CNTN6: variants seen among roughly 807,000 people sequenced by gnomAD.
The protein encoded by CNTN6 is contactin-6.
Under a neutral mutation model 122.8 loss-of-function variants are expected in CNTN6, and 137 were observed. The observed-to-expected ratio is 1.12, with a 90% CI of 0.97 to 1.29. The LOEUF (loss-of-function observed/expected upper bound fraction) is 1.29. CNTN6 is among the 50% of genes most tolerant of loss of function. CNTN6 has a pLI of 0.00. For synonymous variants in CNTN6, 570 were observed against 426.0 expected (o/e 1.34, Z -4.16); for missense variants, 1,634 against 1,223.4 (o/e 1.34, Z -5.01).
At chr3:1,160,344 G>GTGTATATATATATATATATATATATATA (rs1553611145) in intron 2 of CNTN6, among the ~76,000 whole-genome samples, 3 of 111,112 alleles carry the variant, frequency 2.7e-5, no homozygotes, top group Non-Finnish European at 5.4e-5. Context: ...TACTTTTACT[G>GTGTATATATATATATATATATATATATA]TATATATATA....
intron 2 of CNTN6, among the ~76,000 whole-genome samples, chr3:1,184,279 T>C (rs749599491): frequency 1.3e-5 from 2 of 152,176 alleles, no homozygotes; most frequent in Non-Finnish European, 2.9e-5. Flanking sequence ...TTTTTTGTTT[T>C]ACATTTGGTA....
chr3:1,323,397 A>G (rs1022601675), intron 8 of CNTN6, among the ~76,000 whole-genome samples: 3 of 151,746 alleles, frequency 2.0e-5, no homozygotes, highest in East Asian at 1.9e-4. Flanking sequence ...CAAATTAGCC[A>G]TTTAATTAGC....
chr3:1,325,806 T>C lies in CNTN6; in HGVS notation c.947-9T>C. The C allele has an allele frequency of 6.2e-7, 1 of 1,609,132 alleles. No homozygotes were observed. Reference sequence around the variant, plus strand: ...TTACCAAACAGTGGCACTTGCCTTTTTGAAACAGCTCCTCCAGAATGGGAA... The same window carrying C: ...TTACCAAACAGTGGCACTTGCCTTTCTGAAACAGCTCCTCCAGAATGGGAA... On this transcript the variant is annotated splice_polypyrimidine_tract_variant and intron_variant, in intron 8 of 22. Coordinates refer to ENST00000446702, the MANE Select transcript of CNTN6 (RefSeq NM_001289080.2).
chr3:1,105,830 T>C (rs1200115845), intron 1 of CNTN6, among the ~76,000 whole-genome samples: 2 of 152,148 alleles, frequency 1.3e-5, no homozygotes, highest in African/African-American at 4.8e-5. Context: ...GAATGTAGAT[T>C]CTAAGTATAC....
chr3:1,332,776 C>G (rs1452699779), intron 11 of CNTN6, among the ~76,000 whole-genome samples: 2 of 152,016 alleles, frequency 1.3e-5, no homozygotes, highest in East Asian at 3.9e-4. Context: ...ATGGTTTCTT[C>G]AAGCCTGTTC....
intron 16 of CNTN6, among the ~76,000 whole-genome samples, chr3:1,375,209 G>A (rs1709688360): frequency 6.6e-6 from 1 of 152,068 alleles, no homozygotes; most frequent in South Asian, 2.1e-4. Context: ...TTAGTTTCAG[G>A]TTGTTTGTTT....
intron 20 of CNTN6, among the ~76,000 whole-genome samples, chr3:1,395,615 C>G (rs1440062145): frequency 6.6e-6 from 1 of 152,090 alleles, no homozygotes; most frequent in East Asian, 1.9e-4. Context: ...GACATTGGAG[C>G]CACCTGAATC....
intron 11 of CNTN6, among the ~76,000 whole-genome samples, chr3:1,345,366 C>G (rs1340753097): frequency 2.6e-5 from 4 of 152,004 alleles, no homozygotes; most frequent in African/African-American, 9.7e-5. Context: ...TTCACCCACC[C>G]TGGCCTCCCA....
intron 11 of CNTN6, among the ~76,000 whole-genome samples, chr3:1,343,772 C>T (rs982914176): frequency 6.6e-6 from 1 of 152,022 alleles, no homozygotes; most frequent in Admixed American, 6.6e-5. Context: ...GATGTTATTA[C>T]TACTCATATC....
intron 4 of CNTN6, among the ~76,000 whole-genome samples, chr3:1,251,266 G>A (rs1024246828): frequency 1.3e-5 from 2 of 152,156 alleles, no homozygotes; most frequent in South Asian, 2.1e-4. Context: ...AAAGTTGCCA[G>A]TTCCACCCAT....
rs138248933 is a variant in CNTN6, at chr3:1,133,844, G to C, written c.-82-14083G>C. Among the ~76,000 whole-genome samples the C allele has an allele frequency of 1.3e-3, 197 of 152,088 alleles. 1 individual carries two copies. The highest frequency in any genetic ancestry group is 4.6e-3 in the African/African-American group (190 of 41,508). Reference sequence around the variant, plus strand: ...TTCTCATATTCTTCTTTCCTTCCTCGGATCCTCTAAGTCTAATCAGTAGCC... The same window carrying C: ...TTCTCATATTCTTCTTTCCTTCCTCCGATCCTCTAAGTCTAATCAGTAGCC... On this transcript the variant is annotated intron_variant, in intron 1 of 22. Coordinates refer to ENST00000446702, the MANE Select transcript of CNTN6 (RefSeq NM_001289080.2).
At chr3:1,204,609 T>A (rs894538238) in intron 2 of CNTN6, among the ~76,000 whole-genome samples, 5 of 152,188 alleles carry the variant, frequency 3.3e-5, no homozygotes, top group African/African-American at 1.2e-4. Context: ...CTGTACACCA[T>A]TCCATAGTTT....
At chr3:1,289,676 GTTT>G (rs11438242) in intron 5 of CNTN6, among the ~76,000 whole-genome samples, 14,333 of 137,818 alleles carry the variant, frequency 0.1, 2,368 homozygotes, top group African/African-American at 0.36. Flanking sequence ...GTTTTTTTGG[GTTT>G]TTTTTTTTTT....
At chr3:1,294,445 C>T (rs1695851925) in intron 5 of CNTN6, among the ~76,000 whole-genome samples, 2 of 152,020 alleles carry the variant, frequency 1.3e-5, no homozygotes, top group Non-Finnish European at 2.9e-5. Context: ...TAGAAAAAAA[C>T]AGGGGAGGAT....
intron 7 of CNTN6, among the ~76,000 whole-genome samples, chr3:1,319,842 A>ATAAAATAAAATAAAATAAAAT (rs1700600374): frequency 7.1e-6 from 1 of 140,368 alleles, no homozygotes; most frequent in African/African-American, 2.7e-5. Flanking sequence ...AGAAAATAAA[A>ATAAAATAAAATAAAATAAAAT]TAAAATAAAA....
chr3:1,212,100 C>T (rs2094047235), intron 2 of CNTN6, among the ~76,000 whole-genome samples: 1 of 151,900 alleles, frequency 6.6e-6, no homozygotes, highest in South Asian at 2.1e-4. Flanking sequence ...CTTTTTAATT[C>T]CATAGAAGAT....
chr3:1,212,039 G>A (rs1228942406), intron 2 of CNTN6, among the ~76,000 whole-genome samples: 2 of 152,066 alleles, frequency 1.3e-5, no homozygotes, highest in Admixed American at 6.6e-5. Context: ...AATAATGAAC[G>A]TTAGATACCA....
chr3:1,219,601 C>T lies in CNTN6; in HGVS notation c.56-1086C>T, dbSNP rs182603964. On this transcript the variant is annotated intron_variant, in intron 2 of 22. Transcript: ENST00000446702. ...GACTTGCCATTGATACCTGACTATTCAGACAAGCCCAAATGAGGTGAAACT... is the reference window on the plus strand; with the variant it reads ...GACTTGCCATTGATACCTGACTATTTAGACAAGCCCAAATGAGGTGAAACT... 3.8e-3 allele frequency among the ~76,000 whole-genome samples: 585 copies of T among 152,290 alleles called. 16 individuals are homozygous for T. The highest frequency in any genetic ancestry group is 0.037 in the Admixed American group (562 of 15,294).
At chr3:1,331,335 G>A (rs766517363) in intron 11 of CNTN6, among the ~76,000 whole-genome samples, 10 of 151,866 alleles carry the variant, frequency 6.6e-5, no homozygotes, top group Non-Finnish European at 1.0e-4. Flanking sequence ...AAATATCTGT[G>A]GAATAAATGA....
Sources: allele counts gnomAD v4.1 joint callset (sites outside exome capture counted in the v4.1 genomes callset), GRCh38; gene constraint gnomAD v4.1.1; transcripts MANE v1.5; gene names NCBI Gene and HGNC (gene_info 2026-07-23, HGNC 2026-07-21).